Variants in KAT5 observed in about 807,000 individuals in gnomAD.
The protein encoded by KAT5 is lysine acetyltransferase 5, also known as histone acetyltransferase KAT5.
In KAT5, 31 loss-of-function variants were observed where a neutral mutation model predicts 68.1. The observed-to-expected ratio is 0.46, with a 90% CI of 0.34 to 0.61. KAT5 has a LOEUF of 0.61. Among genes scored for constraint, KAT5 ranks in the 20% least tolerant of loss-of-function variants. The probability of loss-of-function intolerance (pLI) is 0.01; values close to 1 mark genes in which losing one functional copy is unlikely to be tolerated. For missense variants in KAT5, 451 were observed against 725.5 expected (o/e 0.62, Z 4.35); for synonymous variants, 365 against 292.6 (o/e 1.25, Z -2.52).
chr11:65,715,422 G>A (rs1857158320), intron 8 of KAT5: 1 of 168,422 alleles, frequency 5.9e-6, no homozygotes, highest in African/African-American at 2.4e-5. Context: ...TTATTAATGT[G>A]GACCTGGGCA....
intron 8 of KAT5, chr11:65,716,404 G>A (rs1222250072): frequency 1.6e-5 from 8 of 503,812 alleles, no homozygotes; most frequent in East Asian, 6.7e-5. Context: ...GGAGGTGTGC[G>A]GAGCAAGGCG....
chr11:65,712,067 C>G, upstream of KAT5: 2 of 475,770 alleles, frequency 4.2e-6, no homozygotes, highest in Non-Finnish European at 7.3e-6. Flanking sequence ...TATGGGGTTT[C>G]CACCTAGGGC....
At position 65,719,481 on chromosome 11, in the gene KAT5, G is replaced by A. The variant is rs1857324009; in HGVS notation, c.*300G>A. 2 of 609,592 alleles carry A rather than the reference G, an allele frequency of 3.3e-6. No homozygotes were observed. Among genetic ancestry groups the A allele is most frequent in the East Asian group, 5.5e-5 (2 of 36,446 alleles). The allele number at this position is 609,592 out of a possible 1,614,324, so 37.8% of individuals were successfully genotyped here. A position where few individuals can be genotyped will look rare whatever the true frequency, so the allele number is the denominator to read the frequency against. On this transcript the variant is annotated 3_prime_UTR_variant, in exon 13 of 13. Coordinates refer to ENST00000341318, the MANE Select transcript of KAT5 (RefSeq NM_182710.3). ...CCGGATGGGGGAGCTCTGTACAGAG[G>A]GCTGGTGATTGTAAAAATTTCTTTT...
rs1857137725 is a variant in KAT5, at chr11:65,714,679, T to C, written c.875T>C (p.Val292Ala). 6.2e-7 allele frequency: 1 copy of C among 1,614,104 alleles called. No individual in the cohort carries two copies. Among genetic ancestry groups the C allele is most frequent in the Admixed American group, 1.7e-5 (1 of 60,004 alleles). ...PYPQELTTLP[V>A]LYLCEFCLKY... ...CCACAGGAACTCACCACATTGCCTG[T>C]CCTCTACCTGTGCGAGTTCTGCCTC... The change falls in exon 7 of 13, where the codon GTC becomes GCC. Residue 292 changes from valine (V) to alanine (A), a missense_variant. By Grantham distance (64) the Val-to-Ala change is moderately conservative (BLOSUM62 0). Around this residue, in one of 4 missense-constraint regions of KAT5, gnomAD observed 210 missense variants for 423.7 expected, o/e 0.50. Coordinates refer to ENST00000341318, the MANE Select transcript of KAT5 (RefSeq NM_182710.3).
chr11:65,715,317 T>G (rs1192252522), intron 8 of KAT5: 1 of 245,728 alleles, frequency 4.1e-6, no homozygotes, highest in Non-Finnish European at 8.2e-6. Flanking sequence ...CAGAGATCAT[T>G]CTGGTTGGGA....
rs1857305684 is a variant in KAT5 at position 65,719,056 on chromosome 11, A to G, written c.1516A>G (p.Ile506Val). The G allele has an allele frequency of 1.2e-6, 2 of 1,614,042 alleles. No individual in the cohort carries two copies. Among genetic ancestry groups the G allele is most frequent in the Non-Finnish European group, 1.7e-6 (2 of 1,180,024 alleles). ...CATCTCCTCTGCCCAGGGCCAGTACATCCTCACACTGTCAGAGGACATCGT... is the reference window on the plus strand; with the variant it reads ...CATCTCCTCTGCCCAGGGCCAGTACGTCCTCACACTGTCAGAGGACATCGT... ...NLINYYKGQYILTLSEDIVDG... is the reference protein window; with the variant it reads ...NLINYYKGQYVLTLSEDIVDG... Residue 506 changes from isoleucine to valine, a missense_variant, in exon 13 of 13, where the codon ATC becomes GTC. Ile to Val is a conservative substitution (Grantham distance 29, BLOSUM62 3). Coordinates refer to ENST00000341318, the MANE Select transcript of KAT5 (RefSeq NM_182710.3).
At chr11:65,718,999 C>G (rs747089650) in intron 12 of KAT5, 45 bp downstream of exon 12, 1 of 1,613,980 alleles carries the variant, frequency 6.2e-7, no homozygotes, top group Non-Finnish European at 8.5e-7. Flanking sequence ...ATGCAGAGTG[C>G]AGTCCTCTGT....
chr11:65,713,764 A>G lies in KAT5; in HGVS notation c.616-10A>G, dbSNP rs746852848. On this transcript the variant is annotated splice_polypyrimidine_tract_variant and intron_variant, in intron 5 of 12. Coordinates refer to ENST00000341318, the MANE Select transcript of KAT5 (RefSeq NM_182710.3). Reference sequence around the variant, plus strand: ...CACAGCCATCCCTTCTTTTCCTACTATCTCGGCAGAATGGAGCCGCCCGTA... The same window carrying G: ...CACAGCCATCCCTTCTTTTCCTACTGTCTCGGCAGAATGGAGCCGCCCGTA... The G allele has an allele frequency of 2.5e-6, 4 of 1,612,812 alleles. No homozygotes were observed. Among genetic ancestry groups the G allele is most frequent in the Non-Finnish European group, 3.4e-6 (4 of 1,179,588 alleles).
chr11:65,717,000 G>C lies in KAT5; in HGVS notation c.1264+18G>C. On this transcript the variant is annotated intron_variant, in intron 10 of 12. Transcript: ENST00000341318. ...CGAGTTCAGTGAGTATGTGTGCTGC[G>C]GCCAGGGGGTAGTGGACCCACTATC... The C allele has an allele frequency of 6.3e-7, 1 of 1,589,948 alleles. No homozygotes were observed.
At chr11:65,716,447 A>C (rs1327465430) in intron 8 of KAT5, 1 of 572,392 alleles carries the variant, frequency 1.7e-6, no homozygotes, top group East Asian at 2.9e-5. Context: ...GGAGGCACTC[A>C]GACACCATCA....
intron 10 of KAT5, chr11:65,718,062 C>G (rs548451585): frequency 6.5e-6 from 1 of 154,484 alleles, no homozygotes; most frequent in Admixed American, 6.4e-5. Context: ...GTCTCCCCGA[C>G]TTAGGAAGCA....
chr11:65,718,723 C>T lies in KAT5; in HGVS notation c.1398C>T (p.Ser466=), dbSNP rs114460328. The T allele has an allele frequency of 3.3e-5, 54 of 1,613,986 alleles. 2 individuals are homozygous for T. In the South Asian group the frequency reaches 3.8e-4, roughly 11 times the overall value. ...LEILMGLKSE[S]GERPQITINE... ...TCCTGATGGGGCTGAAGTCGGAGAG[C>T]GGGGAGAGGCCACAGATCACCATCA... is the stretch of plus-strand genomic sequence containing the variant. Residue 466 remains serine (S), a synonymous_variant, in exon 11 of 13, where the codon AGC becomes AGT. Transcript: ENST00000341318.
At chr11:65,712,177 A>G, upstream of KAT5, 1 of 1,288,858 alleles carries the variant, frequency 7.8e-7, no homozygotes, top group Non-Finnish European at 1.0e-6. Context: ...CCCCCTCTAC[A>G]GGGGCTTCGT....
chr11:65,714,970 C>A (rs1390667402), intron 8 of KAT5, 60 bp downstream of exon 8: 3 of 1,429,338 alleles, frequency 2.1e-6, no homozygotes, highest in Non-Finnish European at 3.0e-6. Context: ...TCTTCTTGCT[C>A]AGGTAAACAC....
At chr11:65,718,480 G>GT in intron 10 of KAT5, 110 bp from the exon 11 acceptor site, 2 of 1,107,778 alleles carry the variant, frequency 1.8e-6, no homozygotes, top group South Asian at 1.5e-5. Context: ...CTGCCAAGTG[G>GT]CAGGGCCATG....
In KAT5 at chr11:65,717,026, G is replaced by A. The variant is rs1044004257; in HGVS notation, c.1264+44G>A. 7.6e-6 allele frequency: 11 copies of A among 1,443,098 alleles called. No individual in the cohort carries two copies. In the East Asian group the frequency reaches 1.4e-4, roughly 18 times the overall value. The allele number at this position is 1,443,098 out of a possible 1,614,324, so 89.4% of individuals were successfully genotyped here. ...GCCAGGGGGTAGTGGACCCACTATC[G>A]GTGCCTCACAGGCAGATGGGCCAGG... On this transcript the variant is annotated intron_variant, in intron 10 of 12. Coordinates refer to ENST00000341318, the MANE Select transcript of KAT5 (RefSeq NM_182710.3).
At chr11:65,712,070 C>T, upstream of KAT5, 1 of 486,948 alleles carries the variant, frequency 2.1e-6, no homozygotes, top group Non-Finnish European at 3.6e-6. Context: ...GGGGTTTCCA[C>T]CTAGGGCTCG....
Position 65,714,676 on chromosome 11 carries a change from C to G in KAT5, c.872C>G (p.Pro291Arg), listed in dbSNP as rs1857137546. Reference sequence around the variant, plus strand: ...TACCCACAGGAACTCACCACATTGCCTGTCCTCTACCTGTGCGAGTTCTGC... The same window carrying G: ...TACCCACAGGAACTCACCACATTGCGTGTCCTCTACCTGTGCGAGTTCTGC... ...SPYPQELTTL[P>R]VLYLCEFCLK... The change falls in exon 7 of 13, where the codon CCT becomes CGT. Residue 291 changes from proline to arginine, a missense_variant. Pro to Arg is a moderately radical substitution (Grantham distance 103). Transcript: ENST00000341318. The G allele has an allele frequency of 1.2e-6, 2 of 1,614,104 alleles. No homozygotes were observed. The highest frequency in any genetic ancestry group is 1.1e-5 in the South Asian group (1 of 91,092).
rs1242769302 is a variant in KAT5 at position 65,712,315 on chromosome 11, A to G, written c.48A>G (p.Pro16=). Residue 16 remains proline, a synonymous_variant, in exon 1 of 13, where the codon CCA becomes CCG. Transcript: ENST00000341318. ...TGCCCGGGGCGGGGCGGAGGGAGCC[A>G]GGGGAGGTGGGTAGAGCCCGAGGCC... ...SPVPGAGRRE[P]GEVGRARGPP... is the part of the protein sequence containing the mutation. 1 of 1,484,154 alleles carries G rather than the reference A, an allele frequency of 6.7e-7. No individual in the cohort carries two copies. Among genetic ancestry groups the G allele is most frequent in the East Asian group, 2.6e-5 (1 of 38,706 alleles). 91.9% of individuals were successfully genotyped at this position (1,484,154 alleles called of 1,614,324 possible). A position where few individuals can be genotyped will look rare whatever the true frequency, so the allele number is the denominator to read the frequency against.
Sources: allele counts gnomAD v4.1 joint callset, GRCh38; gene constraint gnomAD v4.1.1; regional missense constraint gnomAD v4.1.1; transcripts MANE v1.5; gene names NCBI Gene and HGNC (gene_info 2026-07-23, HGNC 2026-07-21).